DUSP15: variants seen among roughly 807,000 people sequenced by gnomAD.
DUSP15 encodes dual specificity protein phosphatase 15.
A neutral mutation model predicts 26.3 loss-of-function variants in DUSP15; 23 were observed. The observed-to-expected ratio is 0.87, with a 90% CI of 0.63 to 1.24. DUSP15 has a LOEUF of 1.24. Among genes scored for constraint, DUSP15 ranks in the 50% most tolerant of loss-of-function variants. The pLI is 0.00. For missense variants in DUSP15, 364 were observed against 320.6 expected (o/e 1.14, Z -1.03); for synonymous variants, 143 against 135.5 (o/e 1.06, Z -0.39).
Position 31,870,431 on chromosome 20 carries a change from C to G in DUSP15, c.-94G>C. On this transcript the variant is annotated 5_prime_UTR_variant, in exon 1 of 7. Transcript: ENST00000339738. The surrounding 1 kb of genome is among the most constrained non-coding windows in gnomAD (Gnocchi z 6.6). Reference sequence around the variant, plus strand: ...CCTGACGGCCCAGGCCCGACGCCTGCAGCCTGGCGGGGAACGGGGGGCCTG... The same window carrying G: ...CCTGACGGCCCAGGCCCGACGCCTGGAGCCTGGCGGGGAACGGGGGGCCTG... 7.7e-7 allele frequency: 1 copy of G among 1,293,510 alleles called. No homozygotes were observed. Among genetic ancestry groups the G allele is most frequent in the Admixed American group, 3.6e-5 (1 of 28,046 alleles). 80.1% of individuals were successfully genotyped at this position (1,293,510 alleles called of 1,614,324 possible).
intron 2 of DUSP15, among the ~76,000 whole-genome samples, chr20:31,867,584 G>A (rs1024713866): frequency 2.0e-5 from 3 of 148,744 alleles, no homozygotes; most frequent in Non-Finnish European, 4.4e-5. Context: ...ACAGTGTGCC[G>A]CCATTAAAAA....
chr20:31,861,687 G>T lies in DUSP15; in HGVS notation c.436-12C>A. On this transcript the variant is annotated splice_polypyrimidine_tract_variant and intron_variant, in intron 6 of 6. Transcript: ENST00000339738. Reference sequence around the variant, plus strand: ...AGCTGCCGGCGAAGCTGGGGTGGGCGGGTGAGGTGGGCGGGGTCAAGGCCG... The same window carrying T: ...AGCTGCCGGCGAAGCTGGGGTGGGCTGGTGAGGTGGGCGGGGTCAAGGCCG... The T allele has an allele frequency of 7.0e-7, 1 of 1,420,626 alleles. No individual in the cohort carries two copies. Among genetic ancestry groups the T allele is most frequent in the South Asian group, 1.4e-5 (1 of 71,820 alleles). The allele number at this position is 1,420,626 out of a possible 1,614,324, so 88.0% of individuals were successfully genotyped here. A position where few individuals can be genotyped will look rare whatever the true frequency, so the allele number is the denominator to read the frequency against.
At position 31,869,908 on chromosome 20, in the gene DUSP15, A is replaced by G. The variant is rs915721683; in HGVS notation, c.22-311T>C. On this transcript the variant is annotated intron_variant, in intron 1 of 6. Transcript: ENST00000339738. ...GGAGAGAGGTAGACTTGCAGGGTGCAGGGATGGAAATTCTGGGGCTGGGGA... is the reference window on the plus strand; with the variant it reads ...GGAGAGAGGTAGACTTGCAGGGTGCGGGGATGGAAATTCTGGGGCTGGGGA... 13 of 1,362,402 alleles carry G rather than the reference A, an allele frequency of 9.5e-6. No individual in the cohort carries two copies. In the African/African-American group the frequency reaches 1.8e-4, roughly 18 times the overall value. 84.4% of individuals were successfully genotyped at this position (1,362,402 alleles called of 1,614,324 possible).
Position 31,870,384 on chromosome 20 carries a change from G to C in DUSP15, c.-47C>G. On this transcript the variant is annotated 5_prime_UTR_variant, in exon 1 of 7. Transcript: ENST00000339738. The surrounding 1 kb of genome is among the most constrained non-coding windows in gnomAD (Gnocchi z 6.6). ...GGTGCACCCCCAGCTCGCCGCCCGG[G>C]AAGCGATCCGGTCACAGCTGCCCTG... 1 of 1,279,956 alleles carries C rather than the reference G, an allele frequency of 7.8e-7. No individual in the cohort carries two copies. The highest frequency in any genetic ancestry group is 9.9e-7 in the Non-Finnish European group (1 of 1,013,808). 79.3% of individuals were successfully genotyped at this position (1,279,956 alleles called of 1,614,324 possible).
At chr20:31,867,036 C>T in intron 3 of DUSP15, 35 bp downstream of exon 3, 2 of 1,537,884 alleles carry the variant, frequency 1.3e-6, no homozygotes, top group Non-Finnish European at 1.8e-6. Context: ...CACCCTCCCA[C>T]CCCCGCATAG....
At chr20:31,869,146 A>G (rs2062847566) in intron 2 of DUSP15, among the ~76,000 whole-genome samples, 1 of 152,212 alleles carries the variant, frequency 6.6e-6, no homozygotes, top group Non-Finnish European at 1.5e-5. Flanking sequence ...AGCACCCGCA[A>G]ACAGACCTCA....
At chr20:31,852,828 C>T (rs987928178) in intron 6 of DUSP15, among the ~76,000 whole-genome samples, 2 of 152,212 alleles carry the variant, frequency 1.3e-5, no homozygotes, top group Admixed American at 6.5e-5. Flanking sequence ...AAAAAAAGAA[C>T]TTGGAGGCGT....
At chr20:31,852,236 T>C (rs1249345313) in intron 6 of DUSP15, among the ~76,000 whole-genome samples, 1 of 152,130 alleles carries the variant, frequency 6.6e-6, no homozygotes, top group Non-Finnish European at 1.5e-5. Context: ...CTCAAACTCT[T>C]GATCTCAGGT....
At position 31,848,437 on chromosome 20, in the gene DUSP15, A is replaced by AG. The variant is rs1436569508; in HGVS notation, c.854dup (p.Lys286Ter). The AG allele has an allele frequency of 5.0e-6, 8 of 1,611,686 alleles. No homozygotes were observed. In the East Asian group the frequency reaches 1.8e-4, roughly 36 times the overall value. ...TACAAGAAGAGGAAGCGGCTCGCTT[A>AG]GGATGGAGGCAGCTGCATTGAAGGT... On this transcript the variant is annotated frameshift_variant, in exon 10 of 10. Transcript: ENST00000278979. LOFTEE classifies it low-confidence loss of function (END_TRUNC).
rs191286771 is a variant in DUSP15, at chr20:31,854,700, C to T, written c.427-4024G>A. ...GCAAAGTCCTGGAGGTATAGAAGGG[C>T]GTGGTGCACTCAGGGGTCAGTGAGC... On this transcript the variant is annotated intron_variant, in intron 6 of 9. Coordinates refer to the DUSP15 transcript ENST00000278979. Among the ~76,000 whole-genome samples, 9 of 152,232 alleles carry T rather than the reference C, an allele frequency of 5.9e-5. No homozygotes were observed. The East Asian group carries it at 1.5e-3, about 26-fold the overall frequency.
chr20:31,862,574 C>T lies in DUSP15; in HGVS notation c.432G>A (p.Gln144=). The T allele has an allele frequency of 6.2e-7, 1 of 1,607,106 alleles. No homozygotes were observed. Among genetic ancestry groups the T allele is most frequent in the Non-Finnish European group, 8.5e-7 (1 of 1,175,396 alleles). ...CAGCCCTTGACCCCATCCCTACCTT[C>T]TGGGAACTGGCCCAGCCAAACTCTT... ...QLEEFGWASS[Q]KLRRQLEERF... Residue 144 remains glutamine (Q), a synonymous_variant, in exon 6 of 7, where the codon CAG becomes CAA. Transcript: ENST00000339738.
chr20:31,861,448 A>AG lies in DUSP15; in HGVS notation c.662dup (p.Ser223LeufsTer88), dbSNP rs1446060798. 1.9e-6 allele frequency: 3 copies of AG among 1,557,406 alleles called. No homozygotes were observed. Among genetic ancestry groups the AG allele is most frequent in the Non-Finnish European group, 2.6e-6 (3 of 1,162,064 alleles). On this transcript the variant is annotated frameshift_variant, in exon 7 of 7. Transcript: ENST00000339738. LOFTEE classifies it high-confidence loss of function. ...ACAGACACCGGGGGAGGCAAGAGAA[A>AG]GTCTGCTTGACGCGCGCCAGCAGCG...
intron 6 of DUSP15, among the ~76,000 whole-genome samples, chr20:31,852,768 G>T (rs1450545007): frequency 1.3e-5 from 2 of 152,142 alleles, no homozygotes; most frequent in South Asian, 4.1e-4. Flanking sequence ...CCGAGATCTC[G>T]CCATTGCACT....
At chr20:31,860,849 G>A (rs925002881), downstream of DUSP15, among the ~76,000 whole-genome samples, 10 of 152,204 alleles carry the variant, frequency 6.6e-5, 1 homozygote, top group Admixed American at 5.9e-4. Flanking sequence ...GCGGGACACC[G>A]TGGCTTTGGG....
chr20:31,866,111 G>A (rs2062759099), intron 3 of DUSP15, among the ~76,000 whole-genome samples: 1 of 152,132 alleles, frequency 6.6e-6, no homozygotes, highest in Admixed American at 6.5e-5. Context: ...TCTGACATAT[G>A]GGAAAACTGA....
At chr20:31,861,738 G>GGGGCGCCCCCCC in intron 6 of DUSP15, 63 bp from the exon 7 acceptor site, 1 of 1,290,718 alleles carries the variant, frequency 7.7e-7, no homozygotes, top group Non-Finnish European at 1.0e-6. Context: ...AAGGCAGCCG[G>GGGGCGCCCCCCC]CCCCGCCCCC....
chr20:31,858,239 A>G (rs2062593446), downstream of DUSP15, among the ~76,000 whole-genome samples: 1 of 152,184 alleles, frequency 6.6e-6, no homozygotes, highest in Non-Finnish European at 1.5e-5. This position sits in a 1 kb window ranked among gnomAD's most constrained non-coding sequence, Gnocchi z 4.4. Flanking sequence ...TCCTCCCAGC[A>G]TAACCCCACG....
chr20:31,864,909 A>C lies in DUSP15; in HGVS notation c.188+44T>G, dbSNP rs1352643682. ...CCCCCTCCCCCTCCCCCACCACAGA[A>C]GGCAGCTGTCTGTCCATCTATGGGT... On this transcript the variant is annotated intron_variant, in intron 4 of 6. Transcript: ENST00000339738. 3 of 1,597,110 alleles carry C rather than the reference A, an allele frequency of 1.9e-6. No individual in the cohort carries two copies. The African/African-American group carries it at 4.0e-5, about 21-fold the overall frequency.
intron 4 of DUSP15, chr20:31,864,389 C>G (rs1290554125): frequency 1.9e-6 from 2 of 1,056,652 alleles, no homozygotes; most frequent in African/African-American, 3.3e-5. Flanking sequence ...TCCCAAGGGG[C>G]AGCACTGTCT....
Sources: allele counts gnomAD v4.1 joint callset (sites outside exome capture counted in the v4.1 genomes callset), GRCh38; gene constraint gnomAD v4.1.1; non-coding constraint Gnocchi (gnomAD v3.1); transcripts MANE v1.5; gene names NCBI Gene and HGNC (gene_info 2026-07-23, HGNC 2026-07-21).